The following CHERP variants were observed in gnomAD, a reference collection of about 807,000 sequenced individuals.
CHERP encodes ERPROT 213-21.
Under a neutral mutation model 113.8 loss-of-function variants are expected in CHERP, and 8 were observed. The observed-to-expected ratio is 0.07, with a 90% CI of 0.04 to 0.13. The LOEUF (loss-of-function observed/expected upper bound fraction) is 0.13, where lower values mean the gene tolerates loss of function less well. Ranked by LOEUF, CHERP falls within the 10% of genes least tolerant of loss-of-function variation. CHERP has a pLI of 1.00. For missense variants in CHERP, 884 were observed against 1,298.2 expected (o/e 0.68, Z 4.90); for synonymous variants, 559 against 524.5 (o/e 1.07, Z -0.90).
intron 8 of CHERP, among the ~76,000 whole-genome samples, chr19:16,528,692 G>A (rs1462704261): frequency 1.3e-5 from 2 of 152,182 alleles, no homozygotes; most frequent in Admixed American, 6.5e-5. Context: ...GGTGGCTCAC[G>A]CCTGTAATCC....
chr19:16,531,804 T>G (rs1313217837), intron 5 of CHERP, among the ~76,000 whole-genome samples: 3 of 151,970 alleles, frequency 2.0e-5, no homozygotes, highest in African/African-American at 7.2e-5. Flanking sequence ...CAAGAGGGAC[T>G]CAGGCAGTGC....
chr19:16,539,219 C>G lies in CHERP; in HGVS notation c.199+2651G>C, dbSNP rs184222180. ...CTGGAGTGCAGTGGTGCGATCTCGGCTCACTGCAAGCTCTGCCTCCCAGGT... is the reference window on the plus strand; with the variant it reads ...CTGGAGTGCAGTGGTGCGATCTCGGGTCACTGCAAGCTCTGCCTCCCAGGT... On this transcript the variant is annotated intron_variant, in intron 2 of 16. Transcript: ENST00000546361. Among the ~76,000 whole-genome samples the G allele has an allele frequency of 6.2e-3, 931 of 149,230 alleles. 10 individuals carry two copies. Among genetic ancestry groups the G allele is most frequent in the African/African-American group, 0.022 (892 of 40,072 alleles).
intron 3 of CHERP, 82 bp from the exon 4 acceptor site, chr19:16,533,230 G>C (rs1486859712): frequency 2.2e-5 from 31 of 1,405,628 alleles, no homozygotes; most frequent in Middle Eastern, 2.1e-4. Context: ...CAGCAGGGGC[G>C]GGGTGGGGAC....
chr19:16,534,621 G>T (rs909521626), intron 3 of CHERP, among the ~76,000 whole-genome samples: 7 of 151,854 alleles, frequency 4.6e-5, no homozygotes, highest in African/African-American at 1.7e-4. Context: ...GATTACAGGC[G>T]TGCACCACCA....
Position 16,532,879 on chromosome 19 carries a change from C to A in CHERP, c.523-130G>T. 2 of 1,523,108 alleles carry A rather than the reference C, an allele frequency of 1.3e-6. No individual in the cohort carries two copies. The highest frequency in any genetic ancestry group is 2.3e-5 in the East Asian group (1 of 42,614). 94.3% of individuals were successfully genotyped at this position (1,523,108 alleles called of 1,614,324 possible). On this transcript the variant is annotated intron_variant, in intron 4 of 16. Transcript: ENST00000546361. The surrounding 1 kb of genome is among the most constrained non-coding windows in gnomAD (Gnocchi z 4.4). ...TGAGCGTGGGGGGCACAGGGTCCCACAGCCTCAGGAGCTCCAGGCGGGAGG... is the reference window on the plus strand; with the variant it reads ...TGAGCGTGGGGGGCACAGGGTCCCAAAGCCTCAGGAGCTCCAGGCGGGAGG...
Position 16,523,181 on chromosome 19 carries a change from A to G in CHERP, c.1851T>C (p.His617=). Residue 617 remains histidine (H), a synonymous_variant, in exon 11 of 17, where the codon CAT becomes CAC. Transcript: ENST00000546361. The surrounding 1 kb of genome is among the most constrained non-coding windows in gnomAD (Gnocchi z 4.0). ...TGTGTGGGGGCTGCCCGTTGAAGCC[A>G]TGGGGGGGAGGGCCGAAGTCAGGGT... ...PQHPDFGPPP[H]GFNGQPPHMR... 6.4e-7 allele frequency: 1 copy of G among 1,572,906 alleles called. No individual in the cohort carries two copies. Among genetic ancestry groups the G allele is most frequent in the South Asian group, 1.1e-5 (1 of 87,276 alleles).
intron 8 of CHERP, among the ~76,000 whole-genome samples, chr19:16,529,016 G>T (rs1247929784): frequency 6.6e-6 from 1 of 152,162 alleles, no homozygotes; most frequent in African/African-American, 2.4e-5. Context: ...GTATTTCCGT[G>T]TCTTTTTCAG....
chr19:16,523,435 C>A lies in CHERP; in HGVS notation c.1742-145G>T. 1.1e-6 allele frequency: 1 copy of A among 942,170 alleles called. No homozygotes were observed. The highest frequency in any genetic ancestry group is 1.6e-6 in the Non-Finnish European group (1 of 632,988). 58.4% of individuals were successfully genotyped at this position (942,170 alleles called of 1,614,324 possible). The stretch of plus-strand genomic sequence containing the variant: ...AGCATCTTCTCTCACTGCTTAAGAC[C>A]AGGCAGCAAGGCACCGAGGAGCCAG... On this transcript the variant is annotated intron_variant, in intron 10 of 16. Transcript: ENST00000546361. This position sits in a 1 kb window ranked among gnomAD's most constrained non-coding sequence, Gnocchi z 4.0.
In CHERP at chr19:16,532,448, C is replaced by T; in HGVS notation, c.674+150G>A. 1.0e-5 allele frequency: 10 copies of T among 952,648 alleles called. No homozygotes were observed. Among genetic ancestry groups the T allele is most frequent in the Non-Finnish European group, 1.5e-5 (10 of 660,508 alleles). 59.0% of individuals were successfully genotyped at this position (952,648 alleles called of 1,614,324 possible). A position where few individuals can be genotyped will look rare whatever the true frequency, so the allele number is the denominator to read the frequency against. On this transcript the variant is annotated intron_variant, in intron 5 of 16. Transcript: ENST00000546361. This position sits in a 1 kb window ranked among gnomAD's most constrained non-coding sequence, Gnocchi z 4.4. ...CTGGAGACAGAAGCCTGGTGGCTCA[C>T]AGAGACCCCCCACCCGGGGTCCCCG...
chr19:16,523,878 T>C lies in CHERP; in HGVS notation c.1742-588A>G, dbSNP rs1287643547. 6.6e-6 allele frequency among the ~76,000 whole-genome samples: 1 copy of C among 152,206 alleles called. No homozygotes were observed. Among genetic ancestry groups the C allele is most frequent in the East Asian group, 1.9e-4 (1 of 5,196 alleles). The stretch of plus-strand genomic sequence containing the variant: ...GAAGCCGTCCAGGCTGTGGGACTTA[T>C]CATGTCAGCCCAAGCCAAAAAGTAA... On this transcript the variant is annotated intron_variant, in intron 10 of 16. Coordinates refer to ENST00000546361, the MANE Select transcript of CHERP (RefSeq NM_006387.6). The surrounding 1 kb of genome is among the most constrained non-coding windows in gnomAD (Gnocchi z 4.0).
intron 2 of CHERP, among the ~76,000 whole-genome samples, chr19:16,537,678 A>G (rs2085750715): frequency 6.6e-6 from 1 of 151,788 alleles, no homozygotes; most frequent in African/African-American, 2.4e-5. Flanking sequence ...CAATCAGTCT[A>G]TGTCCCCGCT....
At chr19:16,521,311 ACTT>A (rs941638273) in intron 12 of CHERP, 57 of 577,666 alleles carry the variant, frequency 9.9e-5, no homozygotes, top group African/African-American at 8.6e-4. Flanking sequence ...ACCTTCCCTA[ACTT>A]CTTCTGATGT....
chr19:16,538,468 A>C (rs1380493338), intron 2 of CHERP, among the ~76,000 whole-genome samples: 2 of 152,204 alleles, frequency 1.3e-5, no homozygotes, highest in African/African-American at 4.8e-5. Flanking sequence ...GCGGATCATG[A>C]GTTCAAGAGA....
chr19:16,521,321 ATG>A, intron 12 of CHERP, 198 bp downstream of exon 12: 3 of 582,062 alleles, frequency 5.2e-6, no homozygotes, highest in Non-Finnish European at 9.0e-6. Flanking sequence ...ACTTCTTCTG[ATG>A]TGTCTCCATT....
intron 12 of CHERP, 55 bp downstream of exon 12, chr19:16,521,466 A>G: frequency 1.4e-6 from 2 of 1,468,062 alleles, no homozygotes; most frequent in Non-Finnish European, 1.8e-6. Context: ...GGTTGCAGGG[A>G]GCCGGGAGAG....
chr19:16,532,873 G>T lies in CHERP; in HGVS notation c.523-124C>A, dbSNP rs1468602322. The stretch of plus-strand genomic sequence containing the variant: ...ACACCATGAGCGTGGGGGGCACAGG[G>T]TCCCACAGCCTCAGGAGCTCCAGGC... On this transcript the variant is annotated intron_variant, in intron 4 of 16. Transcript: ENST00000546361. The surrounding 1 kb of genome is among the most constrained non-coding windows in gnomAD (Gnocchi z 4.4). 1.3e-6 allele frequency: 2 copies of T among 1,522,928 alleles called. No individual in the cohort carries two copies. The highest frequency in any genetic ancestry group is 2.3e-5 in the East Asian group (1 of 42,874). 94.3% of individuals were successfully genotyped at this position (1,522,928 alleles called of 1,614,324 possible). A position where few individuals can be genotyped will look rare whatever the true frequency, so the allele number is the denominator to read the frequency against.
intron 2 of CHERP, chr19:16,540,054 A>C (rs1329749766): frequency 6.6e-6 from 1 of 151,746 alleles, no homozygotes; most frequent in Non-Finnish European, 1.5e-5. Context: ...CTACTCTCTC[A>C]GCCTTTCAAG....
intron 5 of CHERP, chr19:16,531,992 G>C (rs1369838909): frequency 1.4e-5 from 2 of 144,990 alleles, no homozygotes; most frequent in Non-Finnish European, 3.0e-5. Flanking sequence ...GCTAATTTTT[G>C]TGAGAAGGGC....
At chr19:16,539,957 G>C (rs557423144) in intron 2 of CHERP, 1 of 152,328 alleles carries the variant, frequency 6.6e-6, no homozygotes, top group Admixed American at 6.5e-5. Context: ...GAGTAGCTGG[G>C]GGTACGGTGT....
Sources: allele counts gnomAD v4.1 joint callset (sites outside exome capture counted in the v4.1 genomes callset), GRCh38; gene constraint gnomAD v4.1.1; non-coding constraint Gnocchi (gnomAD v3.1); transcripts MANE v1.5; gene names NCBI Gene and HGNC (gene_info 2026-07-23, HGNC 2026-07-21).